HECW2: variants seen among roughly 807,000 people sequenced by gnomAD.
HECW2 encodes the protein E3 ubiquitin-protein ligase HECW2.
Under a neutral mutation model 175.2 loss-of-function variants are expected in HECW2, and 61 were observed. That is an observed-to-expected ratio of 0.35 (90% confidence interval 0.28 to 0.43). The LOEUF (loss-of-function observed/expected upper bound fraction) is 0.43, where lower values mean the gene tolerates loss of function less well. HECW2 is among the 20% of genes least tolerant of loss of function. HECW2 has a pLI of 1.00. For missense variants in HECW2, 1,524 were observed against 2,000.5 expected (o/e 0.76, Z 4.54); for synonymous variants, 671 against 731.0 (o/e 0.92, Z 1.32).
At chr2:196,460,876 C>T (rs116547232) in intron 1 of HECW2, among the ~76,000 whole-genome samples, 12,325 of 149,242 alleles carry the variant, frequency 0.083, 576 homozygotes, top group Middle Eastern at 0.14. Context: ...CCTCCTACCT[C>T]GGACTCCCAA....
intron 1 of HECW2, among the ~76,000 whole-genome samples, chr2:196,441,038 C>T (rs1696025364): frequency 6.6e-6 from 1 of 152,178 alleles, no homozygotes; most frequent in South Asian, 2.1e-4. Flanking sequence ...GATTTAATTA[C>T]TAAGCAAATC....
chr2:196,377,357 C>T (rs891954580), intron 2 of HECW2, among the ~76,000 whole-genome samples: 1 of 152,184 alleles, frequency 6.6e-6, no homozygotes, highest in Non-Finnish European at 1.5e-5. Context: ...TCTCACGCTG[C>T]TCATAAAGAC....
chr2:196,401,900 C>T (rs1025559550), intron 2 of HECW2, among the ~76,000 whole-genome samples: 5 of 152,022 alleles, frequency 3.3e-5, no homozygotes, highest in African/African-American at 4.8e-5. Flanking sequence ...AATAACTAGG[C>T]GTCATAAGAA....
At chr2:196,227,860 A>G (rs972902494) in intron 22 of HECW2, among the ~76,000 whole-genome samples, 5 of 152,162 alleles carry the variant, frequency 3.3e-5, no homozygotes, top group African/African-American at 1.2e-4. Flanking sequence ...ATTCTACCCA[A>G]CTCACTTAAA....
At chr2:196,570,485 G>T (rs150016543) in intron 1 of HECW2, among the ~76,000 whole-genome samples, 1 of 152,240 alleles carries the variant, frequency 6.6e-6, no homozygotes, top group Admixed American at 6.5e-5. Context: ...CTCACTCATA[G>T]GTGAGAATTA....
intron 2 of HECW2, among the ~76,000 whole-genome samples, chr2:196,366,661 T>C (rs1245646595): frequency 6.6e-6 from 1 of 152,208 alleles, no homozygotes; most frequent in African/African-American, 2.4e-5. Flanking sequence ...TTTTTCCTCA[T>C]GGGAGAATTT....
chr2:196,534,527 G>T (rs1349164707), intron 1 of HECW2, among the ~76,000 whole-genome samples: 1 of 152,172 alleles, frequency 6.6e-6, no homozygotes, highest in Admixed American at 6.5e-5. Flanking sequence ...ATGAGAACGG[G>T]GTTGAAATGA....
intron 17 of HECW2, among the ~76,000 whole-genome samples, chr2:196,261,284 TA>T (rs1689281719): frequency 6.6e-6 from 1 of 152,224 alleles, no homozygotes; most frequent in African/African-American, 2.4e-5. Flanking sequence ...AAAAGAAAAT[TA>T]TGCATTCATG....
rs527826103 is a variant in HECW2, at chr2:196,392,935, T to C, written c.292+40197A>G. Among the ~76,000 whole-genome samples, 48 of 152,318 alleles carry C rather than the reference T, an allele frequency of 3.2e-4. No homozygotes were observed. The South Asian group carries it at 8.5e-3, about 27-fold the overall frequency. On this transcript the variant is annotated intron_variant, in intron 2 of 28. Transcript: ENST00000644978. ...CAAGGCTACAGTAACCCAAACAGCATGGTACTGGTACCAAAACAGAGATAC... is the reference window on the plus strand; with the variant it reads ...CAAGGCTACAGTAACCCAAACAGCACGGTACTGGTACCAAAACAGAGATAC...
In HECW2 at chr2:196,405,929, T is replaced by C. The variant is rs1694955543; in HGVS notation, c.292+27203A>G. On this transcript the variant is annotated intron_variant, in intron 2 of 28. Transcript: ENST00000644978. ...TTGCCAAGCCCAGTGGTCGCTTCTC[T>C]GTTCTTACACTGCTTGACCTCCCTC... Among the ~76,000 whole-genome samples the C allele has an allele frequency of 2.6e-5, 4 of 152,322 alleles. No individual in the cohort carries two copies. In the South Asian group the frequency reaches 8.3e-4, roughly 32 times the overall value.
At chr2:196,426,017 C>G (rs1695536675) in intron 2 of HECW2, among the ~76,000 whole-genome samples, 1 of 152,110 alleles carries the variant, frequency 6.6e-6, no homozygotes. Context: ...CAGCAACCAC[C>G]ACCCTGATCA....
intron 1 of HECW2, among the ~76,000 whole-genome samples, chr2:196,527,468 G>T (rs540412200): frequency 6.6e-6 from 1 of 152,330 alleles, no homozygotes; most frequent in East Asian, 1.9e-4. Flanking sequence ...GCTGTAGACC[G>T]GAGCTGTTTC....
chr2:196,254,531 C>A (rs2105915621), intron 18 of HECW2, among the ~76,000 whole-genome samples: 1 of 152,278 alleles, frequency 6.6e-6, no homozygotes, highest in South Asian at 2.1e-4. Flanking sequence ...AATTAGCTCC[C>A]TTGTTTACCC....
At chr2:196,414,637 C>T (rs1040651527) in intron 2 of HECW2, among the ~76,000 whole-genome samples, 1 of 152,200 alleles carries the variant, frequency 6.6e-6, no homozygotes, top group African/African-American at 2.4e-5. Flanking sequence ...CAGGACCACA[C>T]ACTGCCTCTT....
Position 196,222,321 on chromosome 2 carries a change from G to C in HECW2, c.4036C>G (p.Leu1346Val). The C allele has an allele frequency of 6.2e-7, 1 of 1,613,328 alleles. No individual in the cohort carries two copies. Among genetic ancestry groups the C allele is most frequent in the Non-Finnish European group, 8.5e-7 (1 of 1,179,620 alleles). ...TGGAACTCTTCATCAAGGTATTCTA[G>C]GTCACTCAGGTCACATAGACTAAGA... ...LLRILCDLSD[L>V]EYLDEEFHQS... is the part of the protein sequence containing the mutation. The change falls in exon 24 of 29, where the codon CTA becomes GTA. Residue 1346 changes from leucine (L) to valine (V), a missense_variant. Leu to Val is a conservative substitution (Grantham distance 32). Coordinates refer to ENST00000644978, the MANE Select transcript of HECW2 (RefSeq NM_001348768.2).
At chr2:196,448,763 C>T (rs1408169775) in intron 1 of HECW2, among the ~76,000 whole-genome samples, 1 of 152,150 alleles carries the variant, frequency 6.6e-6, no homozygotes, top group African/African-American at 2.4e-5. Context: ...GTAGCAATTT[C>T]CCACTCTCAA....
At chr2:196,233,574 T>A (rs1688133654) in intron 21 of HECW2, among the ~76,000 whole-genome samples, 1 of 152,150 alleles carries the variant, frequency 6.6e-6, no homozygotes, top group Admixed American at 6.5e-5. Flanking sequence ...CCCTCAGATA[T>A]TTATAGCAGC....
chr2:196,306,994 T>A (rs1691289770), intron 12 of HECW2, 136 bp downstream of exon 12: 1 of 598,160 alleles, frequency 1.7e-6, no homozygotes, highest in Admixed American at 3.1e-5. Flanking sequence ...TGGTGAATTC[T>A]GTTTTTTGAG....
intron 2 of HECW2, among the ~76,000 whole-genome samples, chr2:196,407,861 T>C (rs1695005621): frequency 1.3e-5 from 2 of 152,256 alleles, no homozygotes. Context: ...CAGTGCGTGG[T>C]ACCTTGTAGG....
Sources: allele counts gnomAD v4.1 joint callset (sites outside exome capture counted in the v4.1 genomes callset), GRCh38; gene constraint gnomAD v4.1.1; transcripts MANE v1.5; gene names NCBI Gene and HGNC (gene_info 2026-07-23, HGNC 2026-07-21).